Variants in EPS15 observed in about 807,000 individuals in gnomAD.
EPS15 encodes the protein epidermal growth factor receptor pathway substrate 15.
Under a neutral mutation model 113.8 loss-of-function variants are expected in EPS15, and 72 were observed. The observed-to-expected ratio is 0.63, with a 90% confidence interval of 0.52 to 0.77. EPS15 has a LOEUF of 0.77. Ranked by LOEUF, EPS15 falls within the 30% of genes least tolerant of loss-of-function variation. The probability of loss-of-function intolerance (pLI) is 0.00; values close to 1 mark genes in which losing one functional copy is unlikely to be tolerated. For missense variants in EPS15, 1,048 were observed against 1,045.8 expected (o/e 1.00, Z -0.03); for synonymous variants, 344 against 363.4 (o/e 0.95, Z 0.61).
chr1:51,444,855 T>G, intron 11 of EPS15, 34 bp downstream of exon 11: 2 of 1,585,250 alleles, frequency 1.3e-6, no homozygotes, highest in Non-Finnish European at 1.7e-6. Flanking sequence ...CCTTTGAAAT[T>G]AATACATTCA....
At chr1:51,468,998 C>T (rs1189285554) in intron 4 of EPS15, among the ~76,000 whole-genome samples, 3 of 151,956 alleles carry the variant, frequency 2.0e-5, no homozygotes, top group South Asian at 2.1e-4. Context: ...GGTGTGGTGG[C>T]GTGCACCTGT....
intron 24 of EPS15, among the ~76,000 whole-genome samples, chr1:51,360,545 T>TA (rs1443772434): frequency 1.3e-5 from 2 of 152,140 alleles, no homozygotes; most frequent in Non-Finnish European, 2.9e-5. Flanking sequence ...GAACGCAGAG[T>TA]AAACATGAGA....
rs548145548 is a variant in EPS15 at position 51,374,596 on chromosome 1, C to CTCTG, written c.2120-8571_2120-8568dup. ...TCCAGCTCAGGCAACAAGAGCAAAA[C>CTCTG]TCTGTCTCCAAAACAAAACAAACAA... On this transcript the variant is annotated intron_variant, in intron 21 of 24. Transcript: ENST00000371733. Among the ~76,000 whole-genome samples, 27 of 152,290 alleles carry CTCTG rather than the reference C, an allele frequency of 1.8e-4. No individual in the cohort carries two copies. In the South Asian group the frequency reaches 5.2e-3, roughly 29 times the overall value.
intron 24 of EPS15, among the ~76,000 whole-genome samples, chr1:51,360,283 T>C (rs77212231): frequency 0.032 from 4,860 of 152,240 alleles, 128 homozygotes; most frequent in Non-Finnish European, 0.05. Flanking sequence ...GAACAGGCAA[T>C]GATAACGAAG....
intron 1 of EPS15, among the ~76,000 whole-genome samples, chr1:51,504,601 TATAA>T (rs1248670354): frequency 1.3e-5 from 2 of 149,688 alleles, no homozygotes; most frequent in African/African-American, 2.6e-5. Flanking sequence ...AGGCAAAGAA[TATAA>T]ATAGACATTT....
At chr1:51,513,950 G>T (rs1557542529) in intron 1 of EPS15, among the ~76,000 whole-genome samples, 1 of 152,062 alleles carries the variant, frequency 6.6e-6, no homozygotes, top group Non-Finnish European at 1.5e-5. Context: ...TCTCAAAAAT[G>T]CCATAGAGAA....
intron 12 of EPS15, 67 bp downstream of exon 12, chr1:51,440,276 ACTGT>A (rs762164312): frequency 2.2e-6 from 1 of 448,966 alleles, no homozygotes. Flanking sequence ...ATATACATGT[ACTGT>A]GTGTGTGTGT....
chr1:51,407,250 T>G (rs902965169), intron 15 of EPS15, among the ~76,000 whole-genome samples: 4 of 152,080 alleles, frequency 2.6e-5, no homozygotes, highest in Non-Finnish European at 4.4e-5. Context: ...CAGGGTGGAG[T>G]GCAGTGGTGT....
intron 23 of EPS15, among the ~76,000 whole-genome samples, chr1:51,363,288 A>G (rs1381773380): frequency 7.2e-6 from 1 of 138,940 alleles, no homozygotes; most frequent in Non-Finnish European, 1.5e-5. Context: ...ACAGAGCGAG[A>G]TTCCATCTCA....
rs1385670713 is a variant in EPS15, at chr1:51,359,007, A to C, written c.2545-2161T>G. On this transcript the variant is annotated intron_variant, in intron 24 of 24. Transcript: ENST00000371733. Reference sequence around the variant, plus strand: ...GTGTGAGCCACCCCGTCTGGCCCCAACAAGAGTTTGACTTGCTAAAACCAT... The same window carrying C: ...GTGTGAGCCACCCCGTCTGGCCCCACCAAGAGTTTGACTTGCTAAAACCAT... Among the ~76,000 whole-genome samples, 3 of 151,994 alleles carry C rather than the reference A, an allele frequency of 2.0e-5. No individual in the cohort carries two copies. The East Asian group carries it at 5.8e-4, about 29-fold the overall frequency.
chr1:51,427,697 T>C (rs1322571007), intron 12 of EPS15, among the ~76,000 whole-genome samples: 3 of 152,168 alleles, frequency 2.0e-5, no homozygotes, highest in Non-Finnish European at 2.9e-5. Context: ...CTGAGAATAC[T>C]GTGTGATGGA....
At chr1:51,386,272 G>A (rs1045141359) in intron 21 of EPS15, among the ~76,000 whole-genome samples, 3 of 152,130 alleles carry the variant, frequency 2.0e-5, no homozygotes, top group Non-Finnish European at 4.4e-5. Flanking sequence ...ACAGATAAGA[G>A]AAAAGTAAAG....
chr1:51,379,423 ATCC>A (rs1289795112), intron 21 of EPS15, among the ~76,000 whole-genome samples: 1 of 152,080 alleles, frequency 6.6e-6, no homozygotes, highest in Non-Finnish European at 1.5e-5. Flanking sequence ...CCTGGCCAGG[ATCC>A]TCAATAAAAT....
chr1:51,459,560 T>A (rs1654276798), intron 8 of EPS15, among the ~76,000 whole-genome samples: 1 of 151,874 alleles, frequency 6.6e-6, no homozygotes, highest in African/African-American at 2.4e-5. Flanking sequence ...AACTCTAATA[T>A]CCTCCAAACA....
At chr1:51,427,616 G>A (rs1328268763) in intron 12 of EPS15, among the ~76,000 whole-genome samples, 4 of 152,154 alleles carry the variant, frequency 2.6e-5, no homozygotes, top group Non-Finnish European at 5.9e-5. Flanking sequence ...TATCACTGAA[G>A]GCAGGATGAT....
At chr1:51,372,946 G>A (rs565406753) in intron 21 of EPS15, 10 of 589,470 alleles carry the variant, frequency 1.7e-5, no homozygotes, top group Non-Finnish European at 2.7e-5. Context: ...TTAGCTGCAG[G>A]AAGTCTTCAA....
At chr1:51,383,600 C>T (rs113577353) in intron 21 of EPS15, among the ~76,000 whole-genome samples, 9,190 of 152,230 alleles carry the variant, frequency 0.06, 383 homozygotes, top group Non-Finnish European at 0.09. Context: ...TGACAGGAAG[C>T]GGAGCTCAGG....
At chr1:51,361,475 A>T in intron 23 of EPS15, 120 bp from the exon 24 acceptor site, 1 of 665,182 alleles carries the variant, frequency 1.5e-6, no homozygotes, top group Non-Finnish European at 2.5e-6. Context: ...TACCTAAAAC[A>T]CATTCTGAAT....
At chr1:51,510,503 T>A (rs1387988848) in intron 1 of EPS15, among the ~76,000 whole-genome samples, 1 of 152,188 alleles carries the variant, frequency 6.6e-6, no homozygotes, top group Non-Finnish European at 1.5e-5. Context: ...TTAGGTGTTC[T>A]AGAAGCATCA....
Sources: gnomAD v4.1 joint callset for allele counts (sites outside exome capture counted in the v4.1 genomes callset) on GRCh38, gnomAD v4.1.1 for gene constraint, MANE v1.5 for transcripts, NCBI Gene and HGNC (gene_info 2026-07-23, HGNC 2026-07-21) for gene names.